CLEC2L: variants seen among roughly 807,000 people sequenced by gnomAD.
CLEC2L encodes C-type lectin domain family 2 member L.
Under a neutral mutation model 23.6 loss-of-function variants are expected in CLEC2L, and 14 were observed. That is an observed-to-expected ratio of 0.59 (90% CI 0.39 to 0.93). CLEC2L has a LOEUF of 0.93. CLEC2L is among the 40% of genes least tolerant of loss of function. The probability of loss-of-function intolerance (pLI) is 0.00; values close to 1 mark genes in which losing one functional copy is unlikely to be tolerated. For missense variants in CLEC2L, 264 were observed against 282.4 expected (o/e 0.93, Z 0.47); for synonymous variants, 114 against 121.3 (o/e 0.94, Z 0.40).
At chr7:139,530,813 CA>C (rs34317849) in intron 1 of CLEC2L, among the ~76,000 whole-genome samples, 36,770 of 80,856 alleles carry the variant, frequency 0.45, 5,121 homozygotes, top group East Asian at 0.55. Flanking sequence ...ACTCTTGTCT[CA>C]AAAAAAAAAA....
In CLEC2L at chr7:139,539,999, G is replaced by C; in HGVS notation, c.266-322G>C. The C allele has an allele frequency of 3.0e-6, 1 of 332,968 alleles. No homozygotes were observed. The highest frequency in any genetic ancestry group is 3.8e-5 in the South Asian group (1 of 26,524). 20.6% of individuals were successfully genotyped at this position (332,968 alleles called of 1,614,324 possible). A position where few individuals can be genotyped will look rare whatever the true frequency, so the allele number is the denominator to read the frequency against. ...GGTACCTGGCCTAGCTGGAAGGAGA[G>C]GACACATAGCCGCCAGACCTCTTCC... On this transcript the variant is annotated intron_variant, in intron 2 of 4. Transcript: ENST00000422142. The surrounding 1 kb of genome is among the most constrained non-coding windows in gnomAD (Gnocchi z 4.1).
Position 139,525,355 on chromosome 7 carries a change from C to T in CLEC2L, c.190+1238C>T, listed in dbSNP as rs148611954. ...GATGGCGAGGTGGGGATGGTAATGC[C>T]AGCCTTCTGCACAAAGGCTATGGGC... is the stretch of plus-strand genomic sequence containing the variant. On this transcript the variant is annotated intron_variant, in intron 1 of 4. Transcript: ENST00000422142. Among the ~76,000 whole-genome samples the T allele has an allele frequency of 2.4e-3, 364 of 152,248 alleles. 1 individual carries two copies. Among genetic ancestry groups the T allele is most frequent in the Middle Eastern group, 0.014 (4 of 294 alleles).
Position 139,524,051 on chromosome 7 carries a change from GA to G in CLEC2L, c.125del (p.Glu42GlyfsTer43). Reference sequence around the variant, plus strand: ...CGCAGAGGCTGAGGCCCGCGGCCCCGAGGGGCTGCTGCGGCGATCCGGGTCG... The same window carrying G: ...CGCAGAGGCTGAGGCCCGCGGCCCCGGGGGCTGCTGCGGCGATCCGGGTCG... The part of the protein sequence containing the change: ...SPAEAEARGP[E>X]GLLRRSGSGY... On this transcript the variant is annotated frameshift_variant, in exon 1 of 5. Transcript: ENST00000422142. LOFTEE classifies it high-confidence loss of function. 8.2e-7 allele frequency: 1 copy of G among 1,215,870 alleles called. No individual in the cohort carries two copies. The highest frequency in any genetic ancestry group is 1.6e-5 in the African/African-American group (1 of 63,716). 75.3% of individuals were successfully genotyped at this position (1,215,870 alleles called of 1,614,324 possible).
At chr7:139,542,175 C>A in intron 4 of CLEC2L, 54 bp downstream of exon 4, 1 of 1,248,778 alleles carries the variant, frequency 8.0e-7, no homozygotes, top group Non-Finnish European at 1.1e-6. Context: ...AAAGGCCTGA[C>A]TCACCCCCTG....
chr7:139,541,919 A>C (rs1302982644), intron 3 of CLEC2L, 102 bp from the exon 4 acceptor site: 1 of 777,126 alleles, frequency 1.3e-6, no homozygotes, highest in Admixed American at 2.3e-5. Flanking sequence ...GCGTCTGTAC[A>C]TCCCGAGAGC....
intron 1 of CLEC2L, among the ~76,000 whole-genome samples, chr7:139,525,194 G>A (rs563443977): frequency 6.6e-6 from 1 of 152,062 alleles, no homozygotes; most frequent in East Asian, 1.9e-4. Flanking sequence ...GGGTGGAGAT[G>A]GTGGGCTTGC....
At chr7:139,543,959 G>C (rs149547650) in intron 4 of CLEC2L, among the ~76,000 whole-genome samples, 1 of 152,138 alleles carries the variant, frequency 6.6e-6, no homozygotes, top group Non-Finnish European at 1.5e-5. Context: ...CATGTGAGCC[G>C]ACCCTGCAAG....
At chr7:139,528,273 C>T (rs1012954235) in intron 1 of CLEC2L, among the ~76,000 whole-genome samples, 1 of 152,118 alleles carries the variant, frequency 6.6e-6, no homozygotes, top group Non-Finnish European at 1.5e-5. Context: ...GTAGAGTGGG[C>T]CCTAATCCCA....
In CLEC2L at chr7:139,540,382, G is replaced by T; in HGVS notation, c.327G>T (p.Arg109Ser). Residue 109 changes from arginine (R) to serine (S), a missense_variant, in exon 3 of 5, where the codon AGG becomes AGT. Coordinates refer to ENST00000422142, the MANE Select transcript of CLEC2L (RefSeq NM_001080511.4). This position sits in a 1 kb window ranked among gnomAD's most constrained non-coding sequence, Gnocchi z 5.8. ...CGGAGGACTGGCTGCTCTACGGAAG[G>T]AAGTGCTACTTCTTTTCCGAGGAAC... ...PCPEDWLLYG[R>S]KCYFFSEEPR... 6.2e-7 allele frequency: 1 copy of T among 1,611,596 alleles called. No individual in the cohort carries two copies. Among genetic ancestry groups the T allele is most frequent in the Non-Finnish European group, 8.5e-7 (1 of 1,179,178 alleles).
At chr7:139,524,376 G>T (rs1446862334) in intron 1 of CLEC2L, among the ~76,000 whole-genome samples, 1 of 152,226 alleles carries the variant, frequency 6.6e-6, no homozygotes, top group Non-Finnish European at 1.5e-5. Flanking sequence ...ACCTTGGAGC[G>T]GGCTTCACGC....
chr7:139,533,656 C>T (rs1797611896), intron 1 of CLEC2L, among the ~76,000 whole-genome samples: 1 of 152,208 alleles, frequency 6.6e-6, no homozygotes, highest in South Asian at 2.1e-4. Context: ...GCGCTCTGCA[C>T]TATTATTTTT....
intron 1 of CLEC2L, chr7:139,534,340 A>C: frequency 8.6e-7 from 1 of 1,161,852 alleles, no homozygotes; most frequent in Non-Finnish European, 1.3e-6. Flanking sequence ...AGGCGTTTGT[A>C]AAATGTATGA....
intron 4 of CLEC2L, 124 bp downstream of exon 4, chr7:139,542,245 G>A: frequency 1.6e-6 from 1 of 638,792 alleles, no homozygotes; most frequent in Non-Finnish European, 2.7e-6. Flanking sequence ...CTAGTCTCGG[G>A]GTCCAGCAGT....
chr7:139,543,310 G>C (rs1231789586), intron 4 of CLEC2L, among the ~76,000 whole-genome samples: 1 of 152,162 alleles, frequency 6.6e-6, no homozygotes, highest in African/African-American at 2.4e-5. Flanking sequence ...TGGCTGAGGA[G>C]GTCTTGCGCT....
At chr7:139,538,544 C>T (rs1474850051) in intron 2 of CLEC2L, among the ~76,000 whole-genome samples, 6 of 151,702 alleles carry the variant, frequency 4.0e-5, no homozygotes, top group African/African-American at 1.2e-4. Flanking sequence ...GTCAGGAGTT[C>T]GAGACCAGCC....
chr7:139,527,754 C>T (rs146743311), intron 1 of CLEC2L, among the ~76,000 whole-genome samples: 1,655 of 152,132 alleles, frequency 0.011, 32 homozygotes, highest in African/African-American at 0.037. Flanking sequence ...TAGTGCTCAC[C>T]GATTCTGAAT....
chr7:139,535,700 G>A lies in CLEC2L; in HGVS notation c.191-574G>A, dbSNP rs1392463291. Among the ~76,000 whole-genome samples, 7 of 151,882 alleles carry A rather than the reference G, an allele frequency of 4.6e-5. No individual in the cohort carries two copies. In the South Asian group the frequency reaches 1.0e-3, roughly 23 times the overall value. On this transcript the variant is annotated intron_variant, in intron 1 of 4. Transcript: ENST00000422142. ...CAGGAAGAGGATGGATGGTGTAGAG[G>A]TGGGTGAATTTTAGGAAGTATCTGT...
Position 139,544,490 on chromosome 7 carries a change from C to G in CLEC2L, c.*148C>G, listed in dbSNP as rs1797781391. 1.6e-6 allele frequency: 1 copy of G among 609,764 alleles called. No individual in the cohort carries two copies. Among genetic ancestry groups the G allele is most frequent in the Admixed American group, 2.9e-5 (1 of 34,214 alleles). 37.8% of individuals were successfully genotyped at this position (609,764 alleles called of 1,614,324 possible). On this transcript the variant is annotated 3_prime_UTR_variant, in exon 5 of 5. Coordinates refer to ENST00000422142, the MANE Select transcript of CLEC2L (RefSeq NM_001080511.4). ...CCGCCCCAGGCCCCTCTCCCAGGCC[C>G]TGGCGCTCTGAGTCCCTGGTTCCTG...
chr7:139,536,695 C>T (rs768542916), intron 2 of CLEC2L, among the ~76,000 whole-genome samples: 2 of 152,022 alleles, frequency 1.3e-5, no homozygotes, highest in Non-Finnish European at 2.9e-5. Context: ...TCATATTCGG[C>T]CGGGCGCAGT....
Sources: allele counts gnomAD v4.1 joint callset (sites outside exome capture counted in the v4.1 genomes callset), GRCh38; gene constraint gnomAD v4.1.1; non-coding constraint Gnocchi (gnomAD v3.1); transcripts MANE v1.5; gene names NCBI Gene and HGNC (gene_info 2026-07-23, HGNC 2026-07-21).